COLGALT1: variants seen among roughly 807,000 people sequenced by gnomAD.
COLGALT1 encodes the protein procollagen galactosyltransferase 1.
A neutral mutation model predicts 60.8 loss-of-function variants in COLGALT1; 43 were observed. The observed-to-expected ratio is 0.71, with a 90% CI of 0.55 to 0.91. The LOEUF (loss-of-function observed/expected upper bound fraction) is 0.91, where lower values mean the gene tolerates loss of function less well. COLGALT1 is among the 40% of genes least tolerant of loss of function. The pLI is 0.00. For missense variants in COLGALT1, 845 were observed against 880.0 expected (o/e 0.96, Z 0.50); for synonymous variants, 369 against 374.2 (o/e 0.99, Z 0.16).
chr19:17,558,581 G>A (rs2076228768), intron 1 of COLGALT1, among the ~76,000 whole-genome samples: 1 of 151,834 alleles, frequency 6.6e-6, no homozygotes, highest in Non-Finnish European at 1.5e-5. Flanking sequence ...GGGAGGCTGA[G>A]GCAGGAGAAT....
intron 2 of COLGALT1, among the ~76,000 whole-genome samples, chr19:17,559,643 C>T (rs2076236711): frequency 6.6e-6 from 1 of 152,142 alleles, no homozygotes; most frequent in African/African-American, 2.4e-5. Context: ...AGAATTCTTT[C>T]ACTCCCTTTT....
chr19:17,563,531 A>G lies in COLGALT1; in HGVS notation c.489+3066A>G, dbSNP rs564763316. ...CACCCGGCTAATTTTTTGTATTTTTAGTAGAGACAGGGTTTCACCGTGTTG... is the reference window on the plus strand; with the variant it reads ...CACCCGGCTAATTTTTTGTATTTTTGGTAGAGACAGGGTTTCACCGTGTTG... On this transcript the variant is annotated intron_variant, in intron 3 of 11. Transcript: ENST00000252599. Among the ~76,000 whole-genome samples the G allele has an allele frequency of 2.0e-5, 3 of 152,164 alleles. No homozygotes were observed. The East Asian group carries it at 5.8e-4, about 29-fold the overall frequency.
chr19:17,579,668 AGGTGGGGGTGGGGGCAG>A, intron 10 of COLGALT1, 59 bp downstream of exon 10: 3 of 135,358 alleles, frequency 2.2e-5, no homozygotes, highest in Non-Finnish European at 4.1e-5. Flanking sequence ...CAGGACTTAG[AGGTGGGGGTGGGGGCAG>A]GGTGGAGCTG....
chr19:17,559,411 G>A lies in COLGALT1; in HGVS notation c.361G>A (p.Glu121Lys), dbSNP rs1403538703. 1 of 1,551,520 alleles carries A rather than the reference G, an allele frequency of 6.4e-7. No individual in the cohort carries two copies. Among genetic ancestry groups the A allele is most frequent in the East Asian group, 2.4e-5 (1 of 40,926 alleles). ...CCATTCCGTGGAGTGGCGGCCAGCA[G>A]AGGAGCCCAGGTGAGCATCTTTCCC... The part of the protein sequence containing the change: ...LYHSVEWRPA[E>K]EPRSYPDEEG... Residue 121 changes from glutamate to lysine, a missense_variant, in exon 2 of 12, where the codon GAG becomes AAG. Coordinates refer to ENST00000252599, the MANE Select transcript of COLGALT1 (RefSeq NM_024656.4).
chr19:17,564,695 G>A (rs1050840487), intron 3 of COLGALT1, among the ~76,000 whole-genome samples: 1 of 152,084 alleles, frequency 6.6e-6, no homozygotes, highest in African/African-American at 2.4e-5. Context: ...AGGATTGCAG[G>A]CGTGAGCCAC....
At chr19:17,561,241 TAAC>T (rs1232050212) in intron 3 of COLGALT1, among the ~76,000 whole-genome samples, 3 of 151,962 alleles carry the variant, frequency 2.0e-5, no homozygotes, top group African/African-American at 7.2e-5. Flanking sequence ...TTTTAAAAAA[TAAC>T]AAATAAAAAA....
rs1001171347 is a variant in COLGALT1, at chr19:17,559,250, C to T, written c.261-61C>T. On this transcript the variant is annotated intron_variant, in intron 1 of 11. Transcript: ENST00000252599. ...GGGGATGGTGGTCCTTGACTTGCCT[C>T]ACTGCTGCCTGGTCCTGCCTCAGTC... is the stretch of plus-strand genomic sequence containing the variant. 6.4e-6 allele frequency: 8 copies of T among 1,244,492 alleles called. No homozygotes were observed. The African/African-American group carries it at 1.2e-4, about 19-fold the overall frequency. The allele number at this position is 1,244,492 out of a possible 1,614,324, so 77.1% of individuals were successfully genotyped here. A position where few individuals can be genotyped will look rare whatever the true frequency, so the allele number is the denominator to read the frequency against.
At chr19:17,572,659 G>A (rs2076320014) in intron 6 of COLGALT1, 57 bp downstream of exon 6, 2 of 1,606,752 alleles carry the variant, frequency 1.2e-6, no homozygotes. Flanking sequence ...TTTCACTGAT[G>A]TCTCAAATCC....
chr19:17,570,036 A>T (rs918932660), intron 5 of COLGALT1, among the ~76,000 whole-genome samples: 7 of 151,664 alleles, frequency 4.6e-5, no homozygotes, highest in Non-Finnish European at 8.8e-5. Flanking sequence ...CTGGGACTAC[A>T]GGCACCAGCC....
intron 4 of COLGALT1, 93 bp from the exon 5 acceptor site, chr19:17,568,416 T>G: frequency 9.1e-7 from 1 of 1,098,344 alleles, no homozygotes; most frequent in East Asian, 2.4e-5. Flanking sequence ...TGCCTGGCTG[T>G]CTGTCTGGTC....
At chr19:17,563,204 T>A (rs112031763) in intron 3 of COLGALT1, among the ~76,000 whole-genome samples, 15,336 of 147,932 alleles carry the variant, frequency 0.1, 541 homozygotes, top group East Asian at 0.23. Flanking sequence ...TTTTTTTTTT[T>A]TTTTGAGACA....
chr19:17,559,918 G>T (rs1222213727), intron 2 of COLGALT1, among the ~76,000 whole-genome samples: 1 of 152,170 alleles, frequency 6.6e-6, no homozygotes, highest in Admixed American at 6.5e-5. Context: ...CTCCTGAGTA[G>T]CTGGGACTAC....
chr19:17,558,942 C>T (rs1021249252), intron 1 of COLGALT1, among the ~76,000 whole-genome samples: 1 of 151,596 alleles, frequency 6.6e-6, no homozygotes, highest in South Asian at 2.1e-4. Flanking sequence ...GGGCGGATCA[C>T]GAGGTCAGGA....
chr19:17,565,527 ATGG>A (rs2076275283), intron 3 of COLGALT1, among the ~76,000 whole-genome samples: 1 of 151,714 alleles, frequency 6.6e-6, no homozygotes, highest in African/African-American at 2.4e-5. Flanking sequence ...TTATCTGGGC[ATGG>A]TGGTGCGCGC....
At chr19:17,560,976 G>A (rs971213401) in intron 3 of COLGALT1, among the ~76,000 whole-genome samples, 7 of 151,858 alleles carry the variant, frequency 4.6e-5, no homozygotes, top group African/African-American at 1.7e-4. Context: ...AGGCCAAGGC[G>A]GGTGGATCAC....
chr19:17,580,852 CAAGATG>C lies in COLGALT1; in HGVS notation c.1549_1554del (p.Lys517_Met518del). The C allele has an allele frequency of 6.2e-7, 1 of 1,614,004 alleles. No individual in the cohort carries two copies. On this transcript the variant is annotated inframe_deletion, in exon 11 of 12. Transcript: ENST00000252599. Reference sequence around the variant, plus strand: ...AACTGCTGGCTGCTGAGCCGCTCTCCAAGATGCTGCCTGTGGACGAGTTCCTGCCCG... The same window carrying C: ...AACTGCTGGCTGCTGAGCCGCTCTCCCTGCCTGTGGACGAGTTCCTGCCCG...
intron 6 of COLGALT1, among the ~76,000 whole-genome samples, chr19:17,575,268 C>T (rs1042504515): frequency 5.3e-5 from 8 of 152,018 alleles, no homozygotes; most frequent in Non-Finnish European, 4.4e-5. Flanking sequence ...TTTTTTGAGA[C>T]GGAGTCTCGC....
intron 5 of COLGALT1, 55 bp from the exon 6 acceptor site, chr19:17,572,428 G>A: frequency 6.2e-7 from 1 of 1,610,902 alleles, no homozygotes; most frequent in East Asian, 2.2e-5. Context: ...GAAGGCATGA[G>A]CCACTGGGCC....
chr19:17,567,415 G>A lies in COLGALT1; in HGVS notation c.499G>A (p.Ala167Thr), dbSNP rs1407832582. The change falls in exon 4 of 12, where the codon GCG becomes ACG. Residue 167 changes from alanine (A) to threonine (T), a missense_variant. Transcript: ENST00000252599. ...MWADYILFVD[A>T]DNLILNPDTL... Reference sequence around the variant, plus strand: ...GTGGGGTGTTCTGCAGTTTGTAGATGCGGACAACCTGATCCTCAACCCTGA... The same window carrying A: ...GTGGGGTGTTCTGCAGTTTGTAGATACGGACAACCTGATCCTCAACCCTGA... 1 of 1,613,734 alleles carries A rather than the reference G, an allele frequency of 6.2e-7. No homozygotes were observed. The highest frequency in any genetic ancestry group is 8.5e-7 in the Non-Finnish European group (1 of 1,179,760).
Sources: gnomAD v4.1 joint callset for allele counts (sites outside exome capture counted in the v4.1 genomes callset) on GRCh38, gnomAD v4.1.1 for gene constraint, MANE v1.5 for transcripts, NCBI Gene and HGNC (gene_info 2026-07-23, HGNC 2026-07-21) for gene names.